Variants in RBFOX1 observed in about 807,000 individuals in gnomAD.
RBFOX1 encodes the protein RNA binding fox-1 homolog 1, also known as RNA binding protein fox-1 homolog 1.
In RBFOX1, 8 loss-of-function variants were observed where a neutral mutation model predicts 57.7. That is an observed-to-expected ratio of 0.14 (90% CI 0.08 to 0.25). The LOEUF (loss-of-function observed/expected upper bound fraction) is 0.25. Among genes scored for constraint, RBFOX1 ranks in the 10% least tolerant of loss-of-function variants. The pLI is 1.00. For missense variants in RBFOX1, 611 were observed against 548.5 expected (o/e 1.11, Z -1.14); for synonymous variants, 326 against 222.4 (o/e 1.47, Z -4.15).
intron 5 of RBFOX1, among the ~76,000 whole-genome samples, chr16:7,566,806 A>T (rs1483237603): frequency 6.6e-6 from 1 of 152,116 alleles, no homozygotes; most frequent in Admixed American, 6.6e-5. Context: ...CCTTTTCCAC[A>T]TCCAAGGGTG....
intron 3 of RBFOX1, among the ~76,000 whole-genome samples, chr16:6,851,313 G>C (rs1392845552): frequency 1.3e-5 from 2 of 152,058 alleles, no homozygotes; most frequent in African/African-American, 4.8e-5. Flanking sequence ...GGTCATAGAA[G>C]GCGTCTTTTT....
intron 2 of RBFOX1, among the ~76,000 whole-genome samples, chr16:6,653,655 G>A (rs2098618923): frequency 6.6e-6 from 1 of 151,552 alleles, no homozygotes; most frequent in Non-Finnish European, 1.5e-5. Context: ...ATGGATGGAT[G>A]AATGGGTGGG....
chr16:6,970,807 G>C (rs2085368318), intron 3 of RBFOX1, among the ~76,000 whole-genome samples: 1 of 152,194 alleles, frequency 6.6e-6, no homozygotes. Flanking sequence ...GTCTACAAAG[G>C]AGACTGGCAA....
intron 4 of RBFOX1, among the ~76,000 whole-genome samples, chr16:7,510,529 G>C (rs536147995): frequency 1.3e-5 from 2 of 151,832 alleles, no homozygotes; most frequent in Non-Finnish European, 2.9e-5. Context: ...GCGCACGCGC[G>C]CACGCGCGCT....
At chr16:5,651,949 A>T (rs777732757) in intron 3 of RBFOX1, among the ~76,000 whole-genome samples, 1 of 152,150 alleles carries the variant, frequency 6.6e-6, no homozygotes, top group Non-Finnish European at 1.5e-5. Context: ...CCTGGCCAAC[A>T]TGGAGAAACC....
intron 3 of RBFOX1, among the ~76,000 whole-genome samples, chr16:5,767,993 C>G (rs773392888): frequency 6.6e-6 from 1 of 152,248 alleles, no homozygotes; most frequent in Admixed American, 6.5e-5. Flanking sequence ...AAGAAACAGT[C>G]GGGCCACCCA....
chr16:6,126,310 C>G (rs1381694006), intron 1 of RBFOX1, among the ~76,000 whole-genome samples: 1 of 152,244 alleles, frequency 6.6e-6, no homozygotes, highest in Non-Finnish European at 1.5e-5. Flanking sequence ...TTAGCCCTCT[C>G]TTACCTTCCT....
intron 1 of RBFOX1, among the ~76,000 whole-genome samples, chr16:6,070,355 G>C (rs1186786117): frequency 6.6e-6 from 1 of 152,182 alleles, no homozygotes; most frequent in Non-Finnish European, 1.5e-5. Context: ...TAAAAATCCA[G>C]TGAGTGCCTG....
Position 5,742,612 on chromosome 16 carries a change from A to G in RBFOX1, c.319-124691A>G, listed in dbSNP as rs543246870. Among the ~76,000 whole-genome samples the G allele has an allele frequency of 3.3e-5, 5 of 152,324 alleles. No individual in the cohort carries two copies. The East Asian group carries it at 9.7e-4, about 29-fold the overall frequency. ...GTAGCCTCATCAAAGCTCTTGGTCA[A>G]GCTACTCATATAGAAAGCTTTAGGC... On this transcript the variant is annotated intron_variant, in intron 3 of 19. Transcript: ENST00000641259.
chr16:6,312,705 CTTCCTTCCTCCA>C (rs2080517492), intron 1 of RBFOX1, among the ~76,000 whole-genome samples: 1 of 134,454 alleles, frequency 7.4e-6, no homozygotes, highest in Admixed American at 7.9e-5. Context: ...TCCTTCCTTC[CTTCCTTCCTCCA>C]TTCCTTCCTT....
At chr16:7,709,845 T>G (rs1409430059) in intron 15 of RBFOX1, 3 of 1,227,068 alleles carry the variant, frequency 2.4e-6, no homozygotes, top group Non-Finnish European at 3.1e-6. Flanking sequence ...TTGAGTACAG[T>G]AAGACGTGCC....
At chr16:6,156,716 G>T (rs1022625988) in intron 1 of RBFOX1, among the ~76,000 whole-genome samples, 1 of 152,166 alleles carries the variant, frequency 6.6e-6, no homozygotes, top group Non-Finnish European at 1.5e-5. Flanking sequence ...CCTTCCTTGT[G>T]TGGTAGCATG....
intron 8 of RBFOX1, among the ~76,000 whole-genome samples, chr16:7,596,157 TTTACTA>T (rs1278631830): frequency 1.9e-5 from 1 of 52,562 alleles, no homozygotes; most frequent in African/African-American, 3.4e-5. Context: ...ACGAGAGGTT[TTTACTA>T]AACCTCTCGT....
chr16:6,833,386 C>T (rs924145796), intron 3 of RBFOX1, among the ~76,000 whole-genome samples: 1 of 152,018 alleles, frequency 6.6e-6, no homozygotes, highest in African/African-American at 2.4e-5. Flanking sequence ...CCGCTGTTCT[C>T]AAACTCCTGA....
chr16:7,710,392 G>C, intron 15 of RBFOX1: 1 of 1,380,382 alleles, frequency 7.2e-7, no homozygotes, highest in East Asian at 2.9e-5. Flanking sequence ...TTTTAGCTAA[G>C]AGGACTGGCT....
rs116171943 is a variant in RBFOX1 at position 5,755,722 on chromosome 16, C to T, written c.319-111581C>T. ...CAAGCGATTCTCCTGACTCGGCCTC[C>T]GAAGTAGCTGGGATTACAGGCATGC... On this transcript the variant is annotated intron_variant, in intron 3 of 19. Transcript: ENST00000641259. Among the ~76,000 whole-genome samples the T allele has an allele frequency of 1.9e-3, 284 of 152,274 alleles. 1 individual carries two copies. Among genetic ancestry groups the T allele is most frequent in the African/African-American group, 6.2e-3 (258 of 41,564 alleles).
At chr16:5,589,174 G>T (rs917804354) in intron 2 of RBFOX1, among the ~76,000 whole-genome samples, 6 of 152,184 alleles carry the variant, frequency 3.9e-5, no homozygotes, top group African/African-American at 1.4e-4. Flanking sequence ...GTAAGAAGCT[G>T]TTGGCCCCTA....
At chr16:6,880,706 T>G (rs2062761681) in intron 3 of RBFOX1, among the ~76,000 whole-genome samples, 1 of 152,122 alleles carries the variant, frequency 6.6e-6, no homozygotes, top group Non-Finnish European at 1.5e-5. Context: ...TGTTCCAGAG[T>G]CAGTTTGACT....
intron 2 of RBFOX1, chr16:6,483,521 G>T (rs755368786): frequency 2.0e-6 from 3 of 1,535,710 alleles, no homozygotes. Flanking sequence ...GCAGCTAATT[G>T]CAGTCGTGGG....
Sources: gnomAD v4.1 joint callset for allele counts (sites outside exome capture counted in the v4.1 genomes callset) on GRCh38, gnomAD v4.1.1 for gene constraint, MANE v1.5 for transcripts, NCBI Gene and HGNC (gene_info 2026-07-23, HGNC 2026-07-21) for gene names.